VPS13C: variants seen among roughly 807,000 people sequenced by gnomAD.
The protein encoded by VPS13C is intermembrane lipid transfer protein VPS13C.
A neutral mutation model predicts 456.8 loss-of-function variants in VPS13C; 358 were observed. The observed-to-expected ratio is 0.78, with a 90% CI of 0.72 to 0.86. The LOEUF is 0.86. Ranked by LOEUF, VPS13C falls within the 40% of genes least tolerant of loss-of-function variation. The pLI, the probability that VPS13C is intolerant of heterozygous loss-of-function variation, is 0.00. For missense variants in VPS13C, 4,818 were observed against 4,385.4 expected, an observed-to-expected ratio of 1.10 and a Z score of -2.79; for synonymous variants, 1,578 against 1,486.7, an observed-to-expected ratio of 1.06 and a Z score of -1.41.
rs200174382 is a variant in VPS13C at position 61,922,605 on chromosome 15, G to T, written c.6767C>A (p.Thr2256Lys). The T allele has an allele frequency of 1.2e-6, 2 of 1,613,876 alleles. No homozygotes were observed. The highest frequency in any genetic ancestry group is 2.2e-5 in the South Asian group (2 of 91,048). ...DYNTWFLGVD[T>K]ATEITESFKG... is the part of the protein sequence containing the mutation. The stretch of plus-strand genomic sequence containing the variant: ...GAAGCTTTCCGTTATTTCTGTTGCC[G>T]TGTCAACACCAAGAAACCAAGTGTT... Residue 2256 changes from threonine to lysine, a missense_variant, in exon 54 of 85, where the codon ACG becomes AAG. This residue lies in a region of VPS13C where 4,552 missense variants were observed against 4,130.6 expected (regional missense o/e 1.10). Transcript: ENST00000644861.
At chr15:62,037,243 TA>T (rs2048041387) in intron 3 of VPS13C, among the ~76,000 whole-genome samples, 1 of 27,756 alleles carries the variant, frequency 3.6e-5, no homozygotes, top group Non-Finnish European at 6.6e-5. Flanking sequence ...TATAAATATA[TA>T]TAATATATTT....
At chr15:61,874,827 A>G (rs1318617708) in intron 77 of VPS13C, 49 bp downstream of exon 77, 11 of 1,465,020 alleles carry the variant, frequency 7.5e-6, no homozygotes, top group Admixed American at 2.1e-5. Context: ...CGTATTTCAT[A>G]ACAATATAAT....
At chr15:61,887,851 A>T in intron 67 of VPS13C, among the ~76,000 whole-genome samples, 1 of 152,198 alleles carries the variant, frequency 6.6e-6, no homozygotes, top group East Asian at 1.9e-4. Context: ...AAGAGAATTG[A>T]TAAGTCTGAG....
At chr15:62,056,599 A>G (rs1313197497) in intron 1 of VPS13C, among the ~76,000 whole-genome samples, 3 of 152,102 alleles carry the variant, frequency 2.0e-5, no homozygotes, top group East Asian at 1.9e-4. Context: ...GGGAGTTTAG[A>G]TAAGACTCTG....
intron 62 of VPS13C, among the ~76,000 whole-genome samples, chr15:61,912,930 A>T (rs2043347367): frequency 6.6e-6 from 1 of 150,966 alleles, no homozygotes; most frequent in Non-Finnish European, 1.5e-5. Flanking sequence ...ACATGAAAAA[A>T]TGCTCACCAT....
At chr15:61,941,617 G>T in intron 46 of VPS13C, 146 bp downstream of exon 46, 1 of 821,832 alleles carries the variant, frequency 1.2e-6, no homozygotes, top group Non-Finnish European at 1.8e-6. Context: ...TTTAACCACT[G>T]ACCAAGAAGC....
At chr15:61,909,458 C>T (rs1353764424) in intron 64 of VPS13C, among the ~76,000 whole-genome samples, 4 of 152,180 alleles carry the variant, frequency 2.6e-5, no homozygotes, top group Admixed American at 6.5e-5. Flanking sequence ...CAGCCCGCCT[C>T]GGCCTCCCAA....
At chr15:61,855,286 GAT>G in intron 83 of VPS13C, among the ~76,000 whole-genome samples, 1 of 152,248 alleles carries the variant, frequency 6.6e-6, no homozygotes, top group South Asian at 2.1e-4. Flanking sequence ...TTCTTTGGCT[GAT>G]ACATAAAATT....
chr15:61,880,644 T>G lies in VPS13C; in HGVS notation c.9967A>C (p.Ser3323Arg). Residue 3323 changes from serine (S) to arginine (R), a missense_variant, in exon 73 of 85, where the codon AGT (serine) becomes CGT (arginine). Physicochemically the swap from Ser to Arg is moderately radical, Grantham distance 110. Coordinates refer to ENST00000644861, the MANE Select transcript of VPS13C (RefSeq NM_020821.3). ...ETSMTDMSIL[S>R]FFEHFHISPV... ...GAAATATGGAAATGTTCAAAGAAAC[T>G]AAGAATTGACATATCAGTCATTGAA... The G allele has an allele frequency of 1.9e-6, 3 of 1,596,106 alleles. No homozygotes were observed. The highest frequency in any genetic ancestry group is 2.6e-6 in the Non-Finnish European group (3 of 1,172,484).
intron 22 of VPS13C, among the ~76,000 whole-genome samples, chr15:61,980,415 C>T (rs1379335559): frequency 6.6e-6 from 1 of 151,994 alleles, no homozygotes; most frequent in South Asian, 2.1e-4. Context: ...CGATAGCATC[C>T]GCTTATTGTG....
intron 22 of VPS13C, among the ~76,000 whole-genome samples, chr15:61,981,115 C>T (rs1377557790): frequency 6.6e-6 from 1 of 152,118 alleles, no homozygotes; most frequent in African/African-American, 2.4e-5. Flanking sequence ...AGATGTAATC[C>T]AGTCCTTACT....
rs369538646 is a variant in VPS13C, at chr15:61,949,664, G to C, written c.4597-59C>G. On this transcript the variant is annotated intron_variant, in intron 41 of 84. Coordinates refer to ENST00000644861, the MANE Select transcript of VPS13C (RefSeq NM_020821.3). The stretch of plus-strand genomic sequence containing the variant: ...AGATGCAGTAAAATCTTTACATCAG[G>C]GTTCAACAGATATAAGTAGCACAAG... The C allele has an allele frequency of 2.2e-5, 34 of 1,516,714 alleles. 1 individual carries two copies. Among genetic ancestry groups the C allele is most frequent in the South Asian group, 2.2e-4 (17 of 79,050 alleles). 94.0% of individuals were successfully genotyped at this position (1,516,714 alleles called of 1,614,324 possible).
At chr15:61,873,759 T>C (rs548133925) in intron 77 of VPS13C, among the ~76,000 whole-genome samples, 7 of 152,146 alleles carry the variant, frequency 4.6e-5, no homozygotes, top group African/African-American at 1.7e-4. Context: ...GAAAACAGTA[T>C]GGAGGCTCCT....
intron 71 of VPS13C, 31 bp downstream of exon 71, chr15:61,881,532 T>C: frequency 6.4e-7 from 1 of 1,551,850 alleles, no homozygotes; most frequent in South Asian, 1.2e-5. Flanking sequence ...TTTTAAATTC[T>C]TTTAGAGAAA....
chr15:61,853,450 C>G lies in VPS13C; in HGVS notation c.*1007G>C, dbSNP rs1893747593. 1 of 152,036 alleles carries G rather than the reference C, an allele frequency of 6.6e-6. No homozygotes were observed. Among genetic ancestry groups the G allele is most frequent in the Admixed American group, 6.6e-5 (1 of 15,266 alleles). 9.4% of individuals were successfully genotyped at this position (152,036 alleles called of 1,614,324 possible). A position where few individuals can be genotyped will look rare whatever the true frequency, so the allele number is the denominator to read the frequency against. The stretch of plus-strand genomic sequence containing the variant: ...ATCTTGAAAGAGGATGTAAATACTT[C>G]CAAATTTTTATGAATGCTACATTAC... On this transcript the variant is annotated 3_prime_UTR_variant, in exon 85 of 85. Coordinates refer to ENST00000644861, the MANE Select transcript of VPS13C (RefSeq NM_020821.3).
intron 44 of VPS13C, 57 bp from the exon 45 acceptor site, chr15:61,945,939 A>T: frequency 7.2e-7 from 1 of 1,380,560 alleles, no homozygotes; most frequent in Middle Eastern, 1.9e-4. Context: ...GCCCTTATCA[A>T]TGTATTATAA....
chr15:61,959,338 T>A, intron 36 of VPS13C, 110 bp downstream of exon 36: 1 of 891,088 alleles, frequency 1.1e-6, no homozygotes, highest in East Asian at 2.8e-5. Context: ...TCACTGAAAT[T>A]TCTCTTATAC....
chr15:62,058,660 G>C (rs1267857439), intron 1 of VPS13C, among the ~76,000 whole-genome samples: 4 of 152,076 alleles, frequency 2.6e-5, no homozygotes, highest in African/African-American at 9.7e-5. Flanking sequence ...ATTTTGGTAT[G>C]GTCAGGGGTA....
At chr15:61,866,952 G>C in intron 81 of VPS13C, 1 of 983,962 alleles carries the variant, frequency 1.0e-6, no homozygotes, top group African/African-American at 1.7e-5. Flanking sequence ...TGCTAGATAA[G>C]ACATTGTTAA....
Sources: gnomAD v4.1 joint callset for allele counts (sites outside exome capture counted in the v4.1 genomes callset) on GRCh38, gnomAD v4.1.1 for gene constraint, gnomAD v4.1.1 regional missense constraint, MANE v1.5 for transcripts, NCBI Gene and HGNC (gene_info 2026-07-23, HGNC 2026-07-21) for gene names.